Variants in MARCHF6 observed in about 807,000 individuals in gnomAD.
MARCHF6 encodes the protein membrane associated ring-CH-type finger 6.
In MARCHF6, 31 loss-of-function variants were observed where a neutral mutation model predicts 133.7. The observed-to-expected ratio is 0.23, with a 90% confidence interval of 0.17 to 0.31. The LOEUF (loss-of-function observed/expected upper bound fraction) is 0.31. Among genes scored for constraint, MARCHF6 ranks in the 10% least tolerant of loss-of-function variants. The probability of loss-of-function intolerance (pLI) is 1.00; values close to 1 mark genes in which losing one functional copy is unlikely to be tolerated. For synonymous variants in MARCHF6, 395 were observed against 402.5 expected (o/e 0.98, Z 0.22); for missense variants, 723 against 1,121.6 (o/e 0.64, Z 5.08).
chr5:10,391,322 A>G lies in MARCHF6; in HGVS notation c.577-220A>G, dbSNP rs376045428. Reference sequence around the variant, plus strand: ...CTAACTTTTTAATTTAAGTACAGATAGGGTCTTGCTGTGCTGGCCAGGCTG... The same window carrying G: ...CTAACTTTTTAATTTAAGTACAGATGGGGTCTTGCTGTGCTGGCCAGGCTG... On this transcript the variant is annotated intron_variant, in intron 6 of 25. Coordinates refer to ENST00000274140, the MANE Select transcript of MARCHF6 (RefSeq NM_005885.4). Among the ~76,000 whole-genome samples, 9 of 149,738 alleles carry G rather than the reference A, an allele frequency of 6.0e-5. No homozygotes were observed. In the East Asian group the frequency reaches 1.2e-3, roughly 21 times the overall value.
At chr5:10,387,214 A>G (rs973689083) in intron 5 of MARCHF6, 148 bp downstream of exon 5, 8 of 512,566 alleles carry the variant, frequency 1.6e-5, no homozygotes, top group African/African-American at 3.8e-5. Flanking sequence ...TAGCTGCAGT[A>G]GAAGTAGCTG....
chr5:10,399,237 C>T (rs566025242), intron 10 of MARCHF6, among the ~76,000 whole-genome samples: 5 of 152,234 alleles, frequency 3.3e-5, no homozygotes, highest in African/African-American at 1.2e-4. Context: ...ATTCAACATA[C>T]AGTTTTTTTC....
chr5:10,428,819 G>T (rs745577780), intron 24 of MARCHF6, among the ~76,000 whole-genome samples: 6 of 152,050 alleles, frequency 3.9e-5, no homozygotes, highest in Non-Finnish European at 5.9e-5. Flanking sequence ...TTCCAACCCA[G>T]TCATTCATGT....
chr5:10,402,629 G>C (rs774973309), intron 14 of MARCHF6, 22 bp downstream of exon 14: 5 of 1,575,908 alleles, frequency 3.2e-6, no homozygotes, highest in Non-Finnish European at 4.4e-6. Context: ...ATTCATTATT[G>C]TATAATAGCA....
rs768117450 is a variant in MARCHF6, at chr5:10,426,510, G to T, written c.2494G>T (p.Val832Phe). 1 of 1,613,844 alleles carries T rather than the reference G, an allele frequency of 6.2e-7. No individual in the cohort carries two copies. Among genetic ancestry groups the T allele is most frequent in the African/African-American group, 1.3e-5 (1 of 74,904 alleles). The change falls in exon 24 of 26, where the codon GTT (valine) becomes TTT (phenylalanine). Residue 832 changes from valine (V) to phenylalanine (F), a missense_variant. By Grantham distance (50) the Val-to-Phe change is conservative. Around this residue, in one of 4 missense-constraint regions of MARCHF6, gnomAD observed 492 missense variants for 699.5 expected, o/e 0.70. Transcript: ENST00000274140. ...ACCTTATGTCATAGCTTCTGGTGTT[G>T]TTCCTTTACTAGGTACGTAATGCTG... The part of the protein sequence containing the change: ...CVPYVIASGV[V>F]PLLGVTAEMQ...
At position 10,429,759 on chromosome 5, in the gene MARCHF6, T is replaced by A. The variant is rs542501002; in HGVS notation, c.2507-134T>A. The stretch of plus-strand genomic sequence containing the variant: ...GAAAGGGCTCATGACCTACACAGAT[T>A]GTAGAAAGTTAACAGACCTGGGGCT... On this transcript the variant is annotated intron_variant, in intron 24 of 25. Coordinates refer to ENST00000274140, the MANE Select transcript of MARCHF6 (RefSeq NM_005885.4). The A allele has an allele frequency of 8.8e-5, 60 of 678,928 alleles. No homozygotes were observed. The Middle Eastern group carries it at 1.7e-3, about 19-fold the overall frequency. 42.1% of individuals were successfully genotyped at this position (678,928 alleles called of 1,614,324 possible). A position where few individuals can be genotyped will look rare whatever the true frequency, so the allele number is the denominator to read the frequency against.
chr5:10,428,307 T>C (rs1256818480), intron 24 of MARCHF6, among the ~76,000 whole-genome samples: 1 of 151,152 alleles, frequency 6.6e-6, no homozygotes, highest in African/African-American at 2.4e-5. Flanking sequence ...CTGCAAAATA[T>C]ATTTCAAAGC....
At chr5:10,399,451 T>C (rs935447218) in intron 10 of MARCHF6, among the ~76,000 whole-genome samples, 1 of 151,950 alleles carries the variant, frequency 6.6e-6, no homozygotes, top group Admixed American at 6.6e-5. Flanking sequence ...AGTTTCCCAC[T>C]CCCCTGGTAA....
intron 24 of MARCHF6, among the ~76,000 whole-genome samples, chr5:10,428,362 G>A (rs1740201415): frequency 9.9e-6 from 1 of 100,824 alleles, no homozygotes; most frequent in Admixed American, 1.5e-4. Flanking sequence ...TTTTTTGAGA[G>A]ACGGAGTCTC....
chr5:10,375,461 C>G (rs1345596608), intron 1 of MARCHF6, among the ~76,000 whole-genome samples: 1 of 152,256 alleles, frequency 6.6e-6, no homozygotes, highest in African/African-American at 2.4e-5. Context: ...GGCTCCTGTG[C>G]GGCCCGAGCC....
intron 17 of MARCHF6, among the ~76,000 whole-genome samples, chr5:10,407,824 C>T (rs1561136466): frequency 6.6e-6 from 1 of 152,102 alleles, no homozygotes; most frequent in African/African-American, 2.4e-5. Flanking sequence ...TGCGTGGTGG[C>T]GCATGCCTGT....
chr5:10,425,280 A>G (rs1057047806), intron 23 of MARCHF6, among the ~76,000 whole-genome samples: 1 of 152,050 alleles, frequency 6.6e-6, no homozygotes, highest in Non-Finnish European at 1.5e-5. Context: ...AGTGTGATGG[A>G]TTGGGGGCTT....
At chr5:10,410,359 G>A in intron 18 of MARCHF6, 83 bp downstream of exon 18, 1 of 1,461,104 alleles carries the variant, frequency 6.8e-7, no homozygotes, top group South Asian at 1.4e-5. Flanking sequence ...ATGTTCCATG[G>A]CCCACTCAAG....
rs766234121 is a variant in MARCHF6 at position 10,434,437 on chromosome 5, T to C, written c.*753T>C. ...GGGTTTCAGTGGGGCATGTCTATAC[T>C]TAGAGAAAAAAAGTCCAAATGAAGA... is the stretch of plus-strand genomic sequence containing the variant. On this transcript the variant is annotated 3_prime_UTR_variant, in exon 26 of 26. Coordinates refer to ENST00000274140, the MANE Select transcript of MARCHF6 (RefSeq NM_005885.4). 2.6e-5 allele frequency: 4 copies of C among 152,490 alleles called. No individual in the cohort carries two copies. The highest frequency in any genetic ancestry group is 4.4e-5 in the Non-Finnish European group (3 of 68,054). 9.4% of individuals were successfully genotyped at this position (152,490 alleles called of 1,614,324 possible).
chr5:10,406,076 C>A (rs1159871283), intron 16 of MARCHF6, among the ~76,000 whole-genome samples: 1 of 152,112 alleles, frequency 6.6e-6, no homozygotes, highest in Non-Finnish European at 1.5e-5. Context: ...GGAGCGGGAA[C>A]CCTATTGGGA....
chr5:10,391,398 G>C (rs1737821103), intron 6 of MARCHF6, 144 bp from the exon 7 acceptor site: 1 of 578,052 alleles, frequency 1.7e-6, no homozygotes, highest in Non-Finnish European at 2.9e-6. Context: ...CTCCCAAAGT[G>C]CTAGGATTAC....
At chr5:10,390,258 G>T (rs1737742953) in intron 5 of MARCHF6, 74 bp from the exon 6 acceptor site, 75 of 1,182,462 alleles carry the variant, frequency 6.3e-5, no homozygotes, top group Middle Eastern at 2.4e-4. Context: ...TTTAGTATAA[G>T]AAAATTTTTT....
At chr5:10,417,463 C>G (rs2934222) in intron 22 of MARCHF6, 59 bp downstream of exon 22, 238,350 of 1,603,840 alleles carry the variant, frequency 0.15, 29,742 homozygotes, top group East Asian at 0.68. Context: ...AGAAAATAAT[C>G]CTAGCCAGGC....
chr5:10,391,448 T>TG (rs2126730801), intron 6 of MARCHF6, 94 bp from the exon 7 acceptor site: 2 of 536,246 alleles, frequency 3.7e-6, no homozygotes, highest in Non-Finnish European at 5.8e-6. Context: ...TTTTTTTTTT[T>TG]TTTTTTTTTT....
Sources: allele counts gnomAD v4.1 joint callset (sites outside exome capture counted in the v4.1 genomes callset), GRCh38; gene constraint gnomAD v4.1.1; regional missense constraint gnomAD v4.1.1; transcripts MANE v1.5; gene names NCBI Gene and HGNC (gene_info 2026-07-23, HGNC 2026-07-21).